The following OR10R2 variants were observed in gnomAD, a reference collection of about 807,000 sequenced individuals.
The protein encoded by OR10R2 is olfactory receptor 10R2.
In OR10R2, 1 loss-of-function variant was observed where a neutral mutation model predicts 2.4. That is an observed-to-expected ratio of 0.41 (90% confidence interval 0.15 to 1.95). The LOEUF is 1.95. Ranked by LOEUF, OR10R2 falls within the 30% of genes most tolerant of loss-of-function variation. OR10R2 has a pLI of 0.30. For missense variants in OR10R2, 419 were observed against 373.0 expected (o/e 1.12, Z -1.01); for synonymous variants, 166 against 144.8 (o/e 1.15, Z -1.05).
intron 1 of OR10R2, among the ~76,000 whole-genome samples, chr1:158,475,227 G>C (rs1315536981): frequency 1.3e-5 from 2 of 151,966 alleles, no homozygotes; most frequent in African/African-American, 2.4e-5. Flanking sequence ...ATTAGTTTGT[G>C]TTACAATTTT....
At chr1:158,477,474 A>G (rs777880308) in intron 1 of OR10R2, among the ~76,000 whole-genome samples, 2 of 152,190 alleles carry the variant, frequency 1.3e-5, no homozygotes, top group Admixed American at 6.5e-5. Flanking sequence ...TACAAAATCA[A>G]TCTAAAAAAG....
At chr1:158,480,180 G>A (rs768230386) in exon 2 of OR10R2, 3 of 1,614,024 alleles carry the variant, frequency 1.9e-6, no homozygotes, top group Non-Finnish European at 1.7e-6. Context: ...TACCCAAGAT[G>A]CTCATCAATC....
intron 1 of OR10R2, among the ~76,000 whole-genome samples, 164 bp downstream of exon 1, chr1:158,472,516 C>T (rs1452208757): frequency 1.3e-5 from 2 of 152,144 alleles, no homozygotes; most frequent in East Asian, 3.9e-4. Context: ...CCCCAGGATT[C>T]GTGTTTTAAA....
At chr1:158,473,809 TCCTC>T (rs1656211266) in intron 1 of OR10R2, among the ~76,000 whole-genome samples, 3 of 33,588 alleles carry the variant, frequency 8.9e-5, no homozygotes, top group African/African-American at 1.6e-4. Flanking sequence ...TCTGCTTCCT[TCCTC>T]CCTCCTTCCC....
exon 2 of OR10R2, chr1:158,480,172 C>T (rs369642264): frequency 6.2e-7 from 1 of 1,614,032 alleles, no homozygotes; most frequent in Non-Finnish European, 8.5e-7. Context: ...TGTCATTCTA[C>T]CCAAGATGCT....
At chr1:158,480,353 A>T (rs368038543) in exon 2 of OR10R2, 1 of 1,614,120 alleles carries the variant, frequency 6.2e-7, no homozygotes, top group Non-Finnish European at 8.5e-7. Flanking sequence ...ATGAGCTGGC[A>T]GGTGTGTGGA....
intron 1 of OR10R2, among the ~76,000 whole-genome samples, chr1:158,475,726 A>G (rs1320674769): frequency 6.6e-6 from 1 of 151,604 alleles, no homozygotes; most frequent in African/African-American, 2.4e-5. Context: ...TTTATTTTAC[A>G]CCAATTGTTG....
At chr1:158,474,869 G>T (rs1656241936) in intron 1 of OR10R2, among the ~76,000 whole-genome samples, 1 of 152,036 alleles carries the variant, frequency 6.6e-6, no homozygotes, top group Non-Finnish European at 1.5e-5. Flanking sequence ...TAACCTCAGT[G>T]ATGTAATAAA....
intron 1 of OR10R2, among the ~76,000 whole-genome samples, chr1:158,474,819 A>C (rs745611055): frequency 6.6e-6 from 1 of 152,210 alleles, no homozygotes; most frequent in African/African-American, 2.4e-5. Context: ...TCTCCATTTA[A>C]ATTTAAAAAC....
chr1:158,479,666 G>T (rs1273124441), intron 1 of OR10R2, among the ~76,000 whole-genome samples: 1 of 152,096 alleles, frequency 6.6e-6, no homozygotes, highest in Non-Finnish European at 1.5e-5. Context: ...ATATTATCTT[G>T]TATTATTCTG....
At position 158,480,604 on chromosome 1, in the gene OR10R2, A is replaced by G; in HGVS notation, c.694A>G (p.Arg232Gly). ...CTGTGTTTCTTATCTCTGCATTCTG[A>G]GGACTATCCTGAAGATTCCCTCAGC... The change falls in exon 2 of 2, where the codon AGG (arginine) becomes GGG (glycine). Residue 232 changes from arginine to glycine, a missense_variant. By Grantham distance (125) the Arg-to-Gly change is moderately radical. Transcript: ENST00000641067. 1.9e-6 allele frequency: 3 copies of G among 1,613,674 alleles called. No individual in the cohort carries two copies. In the South Asian group the frequency reaches 3.3e-5, roughly 18 times the overall value.
At chr1:158,472,496 T>C (rs945442401) in intron 1 of OR10R2, 144 bp downstream of exon 1, 10 of 396,702 alleles carry the variant, frequency 2.5e-5, no homozygotes, top group Admixed American at 4.4e-5. Flanking sequence ...GGCAACTGCA[T>C]TCCTCTGTAC....
chr1:158,480,660 C>A lies in OR10R2; in HGVS notation c.750C>A (p.Cys250Ter). 1 of 1,613,846 alleles carries A rather than the reference C, an allele frequency of 6.2e-7. No individual in the cohort carries two copies. The change falls in exon 2 of 2, where the codon TGC (cysteine) becomes TGA (stop). Residue 250 changes from cysteine (C) to a stop codon, truncating the protein, a stop_gained. Coordinates refer to ENST00000641067, the Ensembl canonical transcript of OR10R2. LOFTEE classifies it low-confidence loss of function (END_TRUNC). ...GCAGACGGAAAGCGTTTTCCACCTG[C>A]GCCTCTCACCTCAGTGTTGTTATTG...
exon 2 of OR10R2, chr1:158,480,875 T>G (rs2101676682): frequency 7.4e-7 from 1 of 1,342,830 alleles, no homozygotes; most frequent in East Asian, 2.3e-5. Flanking sequence ...TCTCTAAAAC[T>G]ATATAATTGA....
intron 1 of OR10R2, among the ~76,000 whole-genome samples, chr1:158,478,269 C>T (rs1656309225): frequency 6.6e-6 from 1 of 152,018 alleles, no homozygotes; most frequent in Admixed American, 6.6e-5. Flanking sequence ...GGTTAAGTTC[C>T]CAAAAGCAAT....
Position 158,480,495 on chromosome 1 carries a change from TCTGG to T in OR10R2, c.588_591del (p.Ala197ValfsTer10). 6.2e-7 allele frequency: 1 copy of T among 1,613,746 alleles called. No individual in the cohort carries two copies. Among genetic ancestry groups the T allele is most frequent in the Non-Finnish European group, 8.5e-7 (1 of 1,179,644 alleles). On this transcript the variant is annotated frameshift_variant, in exon 2 of 2. Coordinates refer to ENST00000641067, the Ensembl canonical transcript of OR10R2. LOFTEE classifies it low-confidence loss of function (END_TRUNC). ...TCTGTGACATCTCAGCAGTCATTCT[TCTGG>T]CTTGTACCAACACAGATGTTAACGA...
rs753745959 is a variant in OR10R2, at chr1:158,479,933, T to C, written c.28-5T>C. ...AATATGTTTTACTTCTTTCCCCCTT[T>C]GCAGATCTTGGCAGAAAACCTCACC... On this transcript the variant is annotated splice_polypyrimidine_tract_variant and splice_region_variant and intron_variant, in intron 1 of 1. Transcript: ENST00000641067. 1 of 1,614,010 alleles carries C rather than the reference T, an allele frequency of 6.2e-7. No individual in the cohort carries two copies. Among genetic ancestry groups the C allele is most frequent in the Admixed American group, 1.7e-5 (1 of 60,012 alleles).
intron 1 of OR10R2, among the ~76,000 whole-genome samples, chr1:158,474,956 AG>A (rs1172809955): frequency 2.0e-5 from 3 of 152,180 alleles, no homozygotes; most frequent in Non-Finnish European, 4.4e-5. Flanking sequence ...AATTAATAAT[AG>A]TTAAGAAAAT....
chr1:158,472,936 G>A (rs1025391848), intron 1 of OR10R2, among the ~76,000 whole-genome samples: 3 of 152,152 alleles, frequency 2.0e-5, no homozygotes, highest in South Asian at 2.1e-4. Context: ...TTTTACTTAT[G>A]TTGTCCATTC....
Sources: gnomAD v4.1 joint callset for allele counts (sites outside exome capture counted in the v4.1 genomes callset) on GRCh38, gnomAD v4.1.1 for gene constraint, MANE v1.5 for transcripts, NCBI Gene and HGNC (gene_info 2026-07-23, HGNC 2026-07-21) for gene names.